DGKG: variants seen among roughly 807,000 people sequenced by gnomAD.
DGKG encodes diacylglycerol kinase gamma.
A neutral mutation model predicts 105.3 loss-of-function variants in DGKG; 78 were observed. The ratio of observed to expected loss-of-function variants is 0.74; its 90% confidence interval spans 0.62 to 0.89. The LOEUF (loss-of-function observed/expected upper bound fraction) is 0.89, where lower values mean the gene tolerates loss of function less well. Ranked by LOEUF, DGKG falls within the 40% of genes least tolerant of loss-of-function variation. The probability of loss-of-function intolerance (pLI) is 0.00; values close to 1 mark genes in which losing one functional copy is unlikely to be tolerated. For synonymous variants in DGKG, 346 were observed against 367.1 expected, an observed-to-expected ratio of 0.94 and a Z score of 0.66; for missense variants, 958 against 1,020.1, an observed-to-expected ratio of 0.94 and a Z score of 0.83.
Position 186,290,300 on chromosome 3 carries a change from TA to T in DGKG, c.374-1421del, listed in dbSNP as rs1723257054. Among the ~76,000 whole-genome samples the T allele has an allele frequency of 3.3e-5, 5 of 152,262 alleles. 1 individual carries two copies. The South Asian group carries it at 1.0e-3, about 32-fold the overall frequency. Reference sequence around the variant, plus strand: ...GATAGTGAGATAGGGGAGGTTGTAATAAAATTACATATTTAATGAAGTATTA... The same window carrying T: ...GATAGTGAGATAGGGGAGGTTGTAATAAATTACATATTTAATGAAGTATTA... On this transcript the variant is annotated intron_variant, in intron 5 of 24. Coordinates refer to ENST00000265022, the MANE Select transcript of DGKG (RefSeq NM_001346.3).
At chr3:186,197,858 A>G (rs1012591830) in intron 21 of DGKG, among the ~76,000 whole-genome samples, 3 of 152,240 alleles carry the variant, frequency 2.0e-5, no homozygotes, top group Non-Finnish European at 2.9e-5. Flanking sequence ...CTTCCAGCTC[A>G]AAAGCTTTCT....
At position 186,267,703 on chromosome 3, in the gene DGKG, G is replaced by A. The variant is rs755118029; in HGVS notation, c.1191C>T (p.Ser397=). Residue 397 remains serine (S), a synonymous_variant, in exon 13 of 25, where the codon TCC becomes TCT. Coordinates refer to ENST00000265022, the MANE Select transcript of DGKG (RefSeq NM_001346.3). ...CACTTACCCGGGTGATGGGGCATATGGAGGTGGGCAGTAAGATGTGGTCTC... is the reference window on the plus strand; with the variant it reads ...CACTTACCCGGGTGATGGGGCATATAGAGGTGGGCAGTAAGATGTGGTCTC... ...ELRDHILLPT[S]ICPITRDRPG... is the part of the protein sequence containing the mutation. 1 of 1,614,086 alleles carries A rather than the reference G, an allele frequency of 6.2e-7. No individual in the cohort carries two copies. Among genetic ancestry groups the A allele is most frequent in the Admixed American group, 1.7e-5 (1 of 60,018 alleles).
chr3:186,318,010 T>G, intron 2 of DGKG, among the ~76,000 whole-genome samples: 1 of 152,198 alleles, frequency 6.6e-6, no homozygotes, highest in Non-Finnish European at 1.5e-5. Context: ...GTACGTGCAT[T>G]GATGATATTT....
In DGKG at chr3:186,306,889, A is replaced by T; in HGVS notation, c.144+12T>A. 1 of 1,586,984 alleles carries T rather than the reference A, an allele frequency of 6.3e-7. No homozygotes were observed. Among genetic ancestry groups the T allele is most frequent in the Non-Finnish European group, 8.6e-7 (1 of 1,157,312 alleles). ...AGGGGTTTTTAAAGGCTTAAAATGGAAATGTTCTTACCTCATGTGGGTCAT... is the reference window on the plus strand; with the variant it reads ...AGGGGTTTTTAAAGGCTTAAAATGGTAATGTTCTTACCTCATGTGGGTCAT... On this transcript the variant is annotated intron_variant, in intron 3 of 24. Coordinates refer to ENST00000265022, the MANE Select transcript of DGKG (RefSeq NM_001346.3).
chr3:186,256,822 C>T (rs1208171236), intron 17 of DGKG, among the ~76,000 whole-genome samples: 1 of 152,208 alleles, frequency 6.6e-6, no homozygotes, highest in Admixed American at 6.5e-5. Flanking sequence ...TTGACTCACC[C>T]CTCCTCCAGA....
At chr3:186,276,192 A>T (rs1461155263) in intron 9 of DGKG, among the ~76,000 whole-genome samples, 1 of 152,250 alleles carries the variant, frequency 6.6e-6, no homozygotes, top group Non-Finnish European at 1.5e-5. Flanking sequence ...AATTACCAAA[A>T]GGCTAATGAT....
intron 5 of DGKG, among the ~76,000 whole-genome samples, chr3:186,294,013 C>T (rs1250109243): frequency 6.6e-6 from 1 of 152,174 alleles, no homozygotes; most frequent in Non-Finnish European, 1.5e-5. Context: ...GATAATTGCC[C>T]TTTCATGATT....
At chr3:186,157,625 T>C (rs1716098815) in intron 24 of DGKG, among the ~76,000 whole-genome samples, 2 of 152,206 alleles carry the variant, frequency 1.3e-5, no homozygotes, top group Admixed American at 1.3e-4. Context: ...TTTAGTTTCA[T>C]TAATGGTTAC....
rs753234405 is a variant in DGKG at position 186,279,842 on chromosome 3, T to C, written c.792+9A>G. On this transcript the variant is annotated intron_variant, in intron 9 of 24. Transcript: ENST00000265022. ...CAAGAGATCTCTGAACTCCAGCTTGTTGACTTACAGAGTCATCCATCCCCA... is the reference window on the plus strand; with the variant it reads ...CAAGAGATCTCTGAACTCCAGCTTGCTGACTTACAGAGTCATCCATCCCCA... 52 of 1,611,866 alleles carry C rather than the reference T, an allele frequency of 3.2e-5. No individual in the cohort carries two copies. Among genetic ancestry groups the C allele is most frequent in the Non-Finnish European group, 4.3e-5 (51 of 1,179,280 alleles).
intron 24 of DGKG, among the ~76,000 whole-genome samples, chr3:186,157,112 A>G (rs1716071356): frequency 6.6e-6 from 1 of 152,000 alleles, no homozygotes; most frequent in African/African-American, 2.4e-5. Flanking sequence ...TTTACTATTA[A>G]GTAAAATATT....
intron 21 of DGKG, chr3:186,207,421 T>C (rs1235258559): frequency 3.0e-6 from 3 of 983,630 alleles, no homozygotes; most frequent in Non-Finnish European, 3.6e-6. Flanking sequence ...GTGAGCTTCT[T>C]ACCTTCTCTC....
chr3:186,322,966 G>A (rs574575953), intron 1 of DGKG, among the ~76,000 whole-genome samples: 1 of 152,270 alleles, frequency 6.6e-6, no homozygotes, highest in African/African-American at 2.4e-5. Context: ...TCCACTGTGT[G>A]CTCCCTCTTG....
At chr3:186,277,846 A>G (rs879880630) in intron 9 of DGKG, among the ~76,000 whole-genome samples, 15 of 152,114 alleles carry the variant, frequency 9.9e-5, no homozygotes, top group Admixed American at 6.6e-5. Flanking sequence ...TCATTCAGTG[A>G]TTCCCCAGAC....
At chr3:186,189,200 G>C (rs1452047173) in intron 21 of DGKG, among the ~76,000 whole-genome samples, 1 of 152,216 alleles carries the variant, frequency 6.6e-6, no homozygotes, top group Non-Finnish European at 1.5e-5. Context: ...GAATCTGCCT[G>C]TCTCCTGTAT....
rs541713783 is a variant in DGKG at position 186,361,081 on chromosome 3, G to A, written c.-249+865C>T. ...GGCGACTGGGGGAGGGGTCTCGACCGCCACCCTGAGTTCCGCAGCTCATCC... is the reference window on the plus strand; with the variant it reads ...GGCGACTGGGGGAGGGGTCTCGACCACCACCCTGAGTTCCGCAGCTCATCC... On this transcript the variant is annotated intron_variant, in intron 1 of 24. Coordinates refer to ENST00000265022, the MANE Select transcript of DGKG (RefSeq NM_001346.3). The surrounding 1 kb of genome is among the most constrained non-coding windows in gnomAD (Gnocchi z 6.8). Among the ~76,000 whole-genome samples the A allele has an allele frequency of 2.0e-5, 3 of 152,308 alleles. No homozygotes were observed. Among genetic ancestry groups the A allele is most frequent in the African/African-American group, 7.2e-5 (3 of 41,576 alleles).
chr3:186,188,090 G>T, intron 22 of DGKG, 112 bp downstream of exon 22: 1 of 1,244,244 alleles, frequency 8.0e-7, no homozygotes, highest in Non-Finnish European at 1.1e-6. Context: ...CATATCCGCA[G>T]AGCATGGAGT....
chr3:186,248,208 G>A (rs546943478), intron 19 of DGKG, among the ~76,000 whole-genome samples: 68 of 152,338 alleles, frequency 4.5e-4, no homozygotes, highest in Non-Finnish European at 9.0e-4. Context: ...GTTGAGACAG[G>A]GAGGTGTGGG....
chr3:186,191,246 C>G (rs1468158564), intron 21 of DGKG, among the ~76,000 whole-genome samples: 2 of 152,200 alleles, frequency 1.3e-5, no homozygotes, highest in African/African-American at 2.4e-5. Context: ...TAAGATAACT[C>G]AACTAAGTCA....
Position 186,161,641 on chromosome 3 carries a change from GC to G in DGKG, c.2238del (p.Met746IlefsTer25). On this transcript the variant is annotated frameshift_variant, in exon 24 of 25. Coordinates refer to ENST00000265022, the MANE Select transcript of DGKG (RefSeq NM_001346.3). LOFTEE classifies it high-confidence loss of function. Reference sequence around the variant, plus strand: ...TGCATCCAGGGTTCTCCATCCACTTGCATTGGCAGCAGCTTGTTTGTCCTGG... The same window carrying G: ...TGCATCCAGGGTTCTCCATCCACTTGATTGGCAGCAGCTTGTTTGTCCTGG... ...VTIRTNKLLP[M>X]QVDGEPWMQP... The G allele has an allele frequency of 6.2e-7, 1 of 1,614,160 alleles. No individual in the cohort carries two copies. Among genetic ancestry groups the G allele is most frequent in the Non-Finnish European group, 8.5e-7 (1 of 1,180,018 alleles).
Sources: allele counts gnomAD v4.1 joint callset (sites outside exome capture counted in the v4.1 genomes callset), GRCh38; gene constraint gnomAD v4.1.1; non-coding constraint Gnocchi (gnomAD v3.1); transcripts MANE v1.5; gene names NCBI Gene and HGNC (gene_info 2026-07-23, HGNC 2026-07-21).